The following TSC2 variants were observed in gnomAD, a reference collection of about 807,000 sequenced individuals.
TSC2 encodes the protein TSC complex subunit 2.
TSC2 carries 29 observed loss-of-function variants against 202.2 expected under a neutral mutation model. The ratio of observed to expected loss-of-function variants is 0.14; its 90% CI spans 0.11 to 0.20. The LOEUF is 0.20. TSC2 is among the 10% of genes least tolerant of loss of function. The pLI, the probability that TSC2 is intolerant of heterozygous loss-of-function variation, is 1.00. For missense variants in TSC2, 2,429 were observed against 2,420.0 expected (o/e 1.00, Z -0.08); for synonymous variants, 1,349 against 1,044.0 (o/e 1.29, Z -5.63).
At chr16:2,057,265 CT>C in intron 9 of TSC2, 87 bp downstream of exon 9, 1 of 1,457,644 alleles carries the variant, frequency 6.9e-7, no homozygotes. Context: ...CACACACTGG[CT>C]TAGAGAGTCC....
At chr16:2,070,827 G>A (rs917411939) in intron 17 of TSC2, among the ~76,000 whole-genome samples, 4 of 152,244 alleles carry the variant, frequency 2.6e-5, no homozygotes, top group Admixed American at 1.3e-4. Flanking sequence ...AGAAAAGGAC[G>A]CACGGCGACT....
intron 17 of TSC2, chr16:2,071,253 G>T (rs1228910345): frequency 5.3e-6 from 3 of 567,934 alleles, no homozygotes; most frequent in Admixed American, 5.8e-5. Context: ...TTCCATCCCA[G>T]GCGGGCCCAG....
In TSC2 at chr16:2,053,386, G is replaced by T. The variant is rs779310889; in HGVS notation, c.270G>T (p.Gln90His). ...GGAAGGCGGTCGCGGATCTGTTGCA[G>T]CCGGAGCGGCCGCTGGAGGCCCGGC... ...ALWKAVADLL[Q>H]PERPLEARHA... The change falls in exon 4 of 42, where the codon CAG becomes CAT. Residue 90 changes from glutamine to histidine, a missense_variant. Physicochemically the swap from Gln to His is conservative, Grantham distance 24. Coordinates refer to ENST00000219476, the MANE Select transcript of TSC2 (RefSeq NM_000548.5). 1 of 1,591,536 alleles carries T rather than the reference G, an allele frequency of 6.3e-7. No homozygotes were observed. Among genetic ancestry groups the T allele is most frequent in the Non-Finnish European group, 8.5e-7 (1 of 1,170,178 alleles).
At chr16:2,074,410 C>T (rs770664012) in intron 22 of TSC2, 21 bp downstream of exon 22, 50 of 1,606,484 alleles carry the variant, frequency 3.1e-5, no homozygotes, top group African/African-American at 6.7e-5. Context: ...GCCCTGCCTG[C>T]GCATGCACCC....
chr16:2,065,835 G>A (rs2087276416), intron 16 of TSC2, among the ~76,000 whole-genome samples, 200 bp downstream of exon 16: 2 of 152,314 alleles, frequency 1.3e-5, no homozygotes, highest in East Asian at 1.9e-4. Flanking sequence ...CCCGTTGTAC[G>A]CCCTGACCAG....
Position 2,061,854 on chromosome 16 carries a change from C to T in TSC2, c.1120-17C>T, listed in dbSNP as rs201704675. On this transcript the variant is annotated splice_polypyrimidine_tract_variant and intron_variant, in intron 11 of 41. Transcript: ENST00000219476. ...GGGAGTGGAAGTCAGCCTGTGTCAT[C>T]GTGCCTGGTACTGCAGACCTTGGAC... 5.0e-5 allele frequency: 81 copies of T among 1,614,026 alleles called. No homozygotes were observed. The African/African-American group carries it at 7.9e-4, about 16-fold the overall frequency.
chr16:2,082,053 G>T, intron 31 of TSC2: 1 of 621,020 alleles, frequency 1.6e-6, no homozygotes, highest in Non-Finnish European at 2.9e-6. Context: ...CATCCTCCGT[G>T]GGGAGTCCAG....
chr16:2,055,909 AG>A, intron 6 of TSC2: 5 of 518,286 alleles, frequency 9.6e-6, no homozygotes, highest in East Asian at 3.5e-5. Flanking sequence ...AAAAAAAAAA[AG>A]AGAAGTACGT....
At chr16:2,058,338 T>C (rs926079329) in intron 9 of TSC2, among the ~76,000 whole-genome samples, 2 of 152,272 alleles carry the variant, frequency 1.3e-5, no homozygotes, top group Non-Finnish European at 2.9e-5. Context: ...ACTGAGGTCT[T>C]AGCGTGGTCA....
chr16:2,061,904 C>T lies in TSC2; in HGVS notation c.1153C>T (p.His385Tyr), dbSNP rs1410290642. Reference sequence around the variant, plus strand: ...CAGCCCGGAGCTCAGGACCATCGTCCATGACCTGTTGACCACGGTGGAGGA... The same window carrying T: ...CAGCCCGGAGCTCAGGACCATCGTCTATGACCTGTTGACCACGGTGGAGGA... ...LDSPELRTIV[H>Y]DLLTTVEELC... Residue 385 changes from histidine (H) to tyrosine (Y), a missense_variant, in exon 12 of 42, where the codon CAT (histidine) becomes TAT (tyrosine). Transcript: ENST00000219476. 1 of 1,614,074 alleles carries T rather than the reference C, an allele frequency of 6.2e-7. No homozygotes were observed. Among genetic ancestry groups the T allele is most frequent in the Non-Finnish European group, 8.5e-7 (1 of 1,180,038 alleles).
chr16:2,079,599 G>A lies in TSC2; in HGVS notation c.3327G>A (p.Pro1109=), dbSNP rs45478393. Residue 1109 remains proline (P), a synonymous_variant, in exon 29 of 42, where the codon CCG becomes CCA. Transcript: ENST00000219476. The surrounding 1 kb of genome is among the most constrained non-coding windows in gnomAD (Gnocchi z 4.6). The part of the protein sequence containing the change: ...GVHVRQTKEA[P]AKLESQAGQQ... ...ATGTGAGACAGACCAAGGAGGCGCC[G>A]GCCAAGCTGGAGTCCCAGGCTGGGC... The A allele has an allele frequency of 1.6e-5, 25 of 1,611,476 alleles. No homozygotes were observed. Among genetic ancestry groups the A allele is most frequent in the Admixed American group, 6.7e-5 (4 of 59,856 alleles).
rs373973956 is a variant in TSC2 at position 2,084,554 on chromosome 16, C to G, written c.4332C>G (p.Pro1444=). 1.9e-6 allele frequency: 3 copies of G among 1,609,106 alleles called. No homozygotes were observed. In the South Asian group the frequency reaches 3.3e-5, roughly 18 times the overall value. The change falls in exon 34 of 42, where the codon CCC becomes CCG. Residue 1444 remains proline (P), a synonymous_variant. Transcript: ENST00000219476. ...ACAGTCGGGGCCAGCCCGAGGGTCC[C>G]TTGCCTTCCAGCTCCCCCCGCTCGC... The part of the protein sequence containing the change: ...GEDSRGQPEG[P]LPSSSPRSPS...
intron 13 of TSC2, 49 bp from the exon 14 acceptor site, chr16:2,062,923 G>A (rs1274738915): frequency 1.3e-6 from 2 of 1,538,698 alleles, no homozygotes; most frequent in South Asian, 1.2e-5. Context: ...CTGGTGTGGG[G>A]CTGTGGCCGG....
At chr16:2,087,763 A>G (rs2091024446) in intron 38 of TSC2, 100 bp from the exon 39 acceptor site, 8 of 1,410,874 alleles carry the variant, frequency 5.7e-6, no homozygotes, top group East Asian at 4.9e-5. Flanking sequence ...GATGCTGCCC[A>G]TGGAGCTGAC....
chr16:2,086,114 C>T, intron 36 of TSC2, 79 bp from the exon 37 acceptor site: 1 of 1,568,904 alleles, frequency 6.4e-7, no homozygotes, highest in Non-Finnish European at 8.7e-7. Flanking sequence ...CCGGCAGAGC[C>T]TGCTGGGCAC....
chr16:2,087,780 C>CT, intron 38 of TSC2, 83 bp from the exon 39 acceptor site: 1 of 1,501,280 alleles, frequency 6.7e-7, no homozygotes, highest in Non-Finnish European at 9.1e-7. Flanking sequence ...TGACAGGTGT[C>CT]TAGCAGTGCA....
intron 16 of TSC2, among the ~76,000 whole-genome samples, chr16:2,069,774 C>G (rs2087974441): frequency 6.6e-6 from 1 of 152,106 alleles, no homozygotes; most frequent in South Asian, 2.1e-4. Context: ...GCCACTGTGC[C>G]CGGCCTAATT....
chr16:2,054,581 G>C, intron 5 of TSC2, 141 bp downstream of exon 5: 1 of 1,294,530 alleles, frequency 7.7e-7, no homozygotes, highest in Non-Finnish European at 1.1e-6. Flanking sequence ...TCATGCACCT[G>C]GGCTCACCTG....
rs2090789775 is a variant in TSC2 at position 2,086,371 on chromosome 16, T to A, written c.4841T>A (p.Ile1614Asn). The A allele has an allele frequency of 6.2e-7, 1 of 1,612,608 alleles. No individual in the cohort carries two copies. Residue 1614 changes from isoleucine (I) to asparagine (N), a missense_variant, in exon 37 of 42, where the codon ATC becomes AAC. Coordinates refer to ENST00000219476, the MANE Select transcript of TSC2 (RefSeq NM_000548.5). ...TTCACCTACTGCTGGCACGATGACA[T>A]CATGCAAGGTACGGCCTGGCGCCTA... ...GQFTYCWHDD[I>N]MQAVFHIATL...
Sources: allele counts gnomAD v4.1 joint callset (sites outside exome capture counted in the v4.1 genomes callset), GRCh38; gene constraint gnomAD v4.1.1; non-coding constraint Gnocchi (gnomAD v3.1); transcripts MANE v1.5; gene names NCBI Gene and HGNC (gene_info 2026-07-23, HGNC 2026-07-21).